KIAA2012: variants seen among roughly 807,000 people sequenced by gnomAD.
The protein encoded by KIAA2012 is uncharacterized protein KIAA2012.
KIAA2012 carries 125 observed loss-of-function variants against 150.6 expected under a neutral mutation model. The ratio of observed to expected loss-of-function variants is 0.83; its 90% CI spans 0.72 to 0.96. The LOEUF (loss-of-function observed/expected upper bound fraction) is 0.96, where lower values mean the gene tolerates loss of function less well. Among genes scored for constraint, KIAA2012 ranks in the 40% least tolerant of loss-of-function variants. KIAA2012 has a pLI of 0.00. For missense variants in KIAA2012, 1,219 were observed against 1,354.9 expected (o/e 0.90, Z 1.57); for synonymous variants, 462 against 504.7 (o/e 0.92, Z 1.13).
chr2:202,183,868 T>A (rs544611766), intron 15 of KIAA2012, among the ~76,000 whole-genome samples: 109 of 152,294 alleles, frequency 7.2e-4, no homozygotes, highest in African/African-American at 2.5e-3. Flanking sequence ...CACCTAAACC[T>A]CCCAATGTTA....
At chr2:202,139,951 C>A (rs760222038) in intron 13 of KIAA2012, among the ~76,000 whole-genome samples, 5 of 152,208 alleles carry the variant, frequency 3.3e-5, no homozygotes, top group Non-Finnish European at 5.9e-5. Context: ...GAGGCTCAGC[C>A]AGGTGCAGTG....
intron 12 of KIAA2012, chr2:202,125,722 C>T: frequency 2.7e-6 from 1 of 374,150 alleles, no homozygotes; most frequent in Non-Finnish European, 5.1e-6. Context: ...AGACTGAGGC[C>T]AGGTCTGCCT....
chr2:202,074,020 C>A (rs1292421759), intron 1 of KIAA2012, among the ~76,000 whole-genome samples: 1 of 151,922 alleles, frequency 6.6e-6, no homozygotes, highest in Non-Finnish European at 1.5e-5. Context: ...GGGTTCTAGG[C>A]AAACTGATGG....
chr2:202,123,318 A>G (rs183615568), intron 11 of KIAA2012, among the ~76,000 whole-genome samples: 253 of 152,240 alleles, frequency 1.7e-3, no homozygotes, highest in Non-Finnish European at 3.1e-3. Flanking sequence ...TTGAGGGAAA[A>G]TTAACATTCA....
chr2:202,192,421 C>A (rs1169784347), intron 19 of KIAA2012, among the ~76,000 whole-genome samples: 1 of 148,444 alleles, frequency 6.7e-6, no homozygotes, highest in East Asian at 2.0e-4. Context: ...TCTGACCCAT[C>A]TATACCTAAG....
intron 12 of KIAA2012, among the ~76,000 whole-genome samples, chr2:202,127,545 G>A (rs1460450391): frequency 6.6e-6 from 1 of 152,160 alleles, no homozygotes; most frequent in Non-Finnish European, 1.5e-5. Context: ...TCAGCTGCAT[G>A]GAGAAGGGGA....
chr2:202,093,874 G>A (rs1480039234), intron 4 of KIAA2012, among the ~76,000 whole-genome samples: 3 of 152,216 alleles, frequency 2.0e-5, no homozygotes, highest in Non-Finnish European at 4.4e-5. Flanking sequence ...AAAAGAGCCA[G>A]AAGTCACCTT....
chr2:202,149,651 A>G (rs1001310849), intron 13 of KIAA2012, among the ~76,000 whole-genome samples: 7 of 152,226 alleles, frequency 4.6e-5, no homozygotes, highest in African/African-American at 1.7e-4. Context: ...GGGAACCCCA[A>G]TTAGAAAGGA....
intron 1 of KIAA2012, among the ~76,000 whole-genome samples, chr2:202,074,443 T>C (rs773637671): frequency 2.0e-5 from 3 of 152,184 alleles, no homozygotes; most frequent in African/African-American, 4.8e-5. Context: ...AATTAGGTAA[T>C]GTTACATAGC....
At chr2:202,113,248 G>A (rs570864356) in intron 10 of KIAA2012, 88 bp from the exon 11 acceptor site, 23 of 970,826 alleles carry the variant, frequency 2.4e-5, no homozygotes, top group Admixed American at 4.4e-5. Flanking sequence ...GTGTGCCCGC[G>A]GGGGACCAGG....
intron 12 of KIAA2012, among the ~76,000 whole-genome samples, chr2:202,134,853 C>A (rs1323788709): frequency 6.6e-6 from 1 of 152,250 alleles, no homozygotes; most frequent in African/African-American, 2.4e-5. Context: ...CCACGCCCTG[C>A]CGACTATGTT....
intron 15 of KIAA2012, among the ~76,000 whole-genome samples, chr2:202,171,664 TG>T (rs1447496852): frequency 1.3e-5 from 2 of 152,046 alleles, no homozygotes; most frequent in Non-Finnish European, 2.9e-5. Flanking sequence ...AGATGGAGAC[TG>T]GCAGAGCTAG....
rs184763883 is a variant in KIAA2012, at chr2:202,081,698, C to A, written c.369+6523C>A. On this transcript the variant is annotated intron_variant, in intron 2 of 23. Coordinates refer to ENST00000498697, the MANE Select transcript of KIAA2012 (RefSeq NM_001277372.4). ...TAGTAGCTGGGATTACAGGCATGCA[C>A]CACCACACCCAGCTAATTTTGTATT... Among the ~76,000 whole-genome samples the A allele has an allele frequency of 2.6e-5, 4 of 152,200 alleles. No individual in the cohort carries two copies. In the East Asian group the frequency reaches 7.7e-4, roughly 29 times the overall value.
intron 8 of KIAA2012, among the ~76,000 whole-genome samples, chr2:202,105,269 G>GAGGGAAGGA (rs60374486): frequency 0.28 from 42,106 of 150,084 alleles, 6,161 homozygotes; most frequent in African/African-American, 0.35. Flanking sequence ...GGAAAGGAAG[G>GAGGGAAGGA]AGGGAAGGAA....
intron 12 of KIAA2012, among the ~76,000 whole-genome samples, chr2:202,133,110 A>AAAAAAAATATATATATATATC (rs61105544): frequency 1.4e-5 from 1 of 70,286 alleles, no homozygotes; most frequent in Non-Finnish European, 2.7e-5. Context: ...CTAAAAAAAA[A>AAAAAAAATATATATATATATC]TATATATATA....
chr2:202,151,184 G>A (rs1050198855), intron 13 of KIAA2012, among the ~76,000 whole-genome samples: 2 of 152,090 alleles, frequency 1.3e-5, no homozygotes, highest in Admixed American at 1.3e-4. Flanking sequence ...ACCACCTGAG[G>A]TCAGGAGTTC....
rs754494077 is a variant in KIAA2012 at position 202,182,108 on chromosome 2, CTTTTT to C, written c.2120-2626_2120-2622del. Among the ~76,000 whole-genome samples the C allele has an allele frequency of 1.1e-4, 11 of 104,104 alleles. No homozygotes were observed. The East Asian group carries it at 2.3e-3, about 21-fold the overall frequency. 68.3% of individuals were successfully genotyped at this position (104,104 alleles called of 152,430 possible). ...CCATATGTACTTTTTTTTCTTTATT[CTTTTT>C]TTTTTTTTTTTTTTTTTTGAAATGG... On this transcript the variant is annotated intron_variant, in intron 15 of 23. Transcript: ENST00000498697.
intron 15 of KIAA2012, among the ~76,000 whole-genome samples, chr2:202,171,732 G>A (rs1230552608): frequency 2.0e-5 from 3 of 152,168 alleles, no homozygotes; most frequent in South Asian, 2.1e-4. Context: ...AGGCAGGGAG[G>A]CAGGCAAACC....
chr2:202,199,473 A>G (rs1453999899), intron 22 of KIAA2012, among the ~76,000 whole-genome samples: 4 of 151,998 alleles, frequency 2.6e-5, no homozygotes, highest in African/African-American at 7.3e-5. Flanking sequence ...TTTATTTTCA[A>G]ATCTTCAAAA....
Sources: gnomAD v4.1 joint callset for allele counts (sites outside exome capture counted in the v4.1 genomes callset) on GRCh38, gnomAD v4.1.1 for gene constraint, MANE v1.5 for transcripts, NCBI Gene and HGNC (gene_info 2026-07-23, HGNC 2026-07-21) for gene names.